MYO15A: variants seen among roughly 807,000 people sequenced by gnomAD.
MYO15A encodes myosin XVA, also known as unconventional myosin-XV.
Under a neutral mutation model 394.6 loss-of-function variants are expected in MYO15A, and 308 were observed. The ratio of observed to expected loss-of-function variants is 0.78; its 90% CI spans 0.71 to 0.86. The LOEUF (loss-of-function observed/expected upper bound fraction) is 0.86. MYO15A is among the 40% of genes least tolerant of loss of function. The probability of loss-of-function intolerance (pLI) is 0.00; values close to 1 mark genes in which losing one functional copy is unlikely to be tolerated. For missense variants in MYO15A, 4,606 were observed against 4,799.1 expected (o/e 0.96, Z 1.19); for synonymous variants, 1,957 against 2,003.8 (o/e 0.98, Z 0.62).
In MYO15A at chr17:18,139,620, C is replaced by T. The variant is rs201239911; in HGVS notation, c.5211+9C>T. On this transcript the variant is annotated intron_variant, in intron 19 of 65. Coordinates refer to ENST00000647165, the MANE Select transcript of MYO15A (RefSeq NM_016239.4). ...TACGGAGCCGGACACGGGTAAGCCTCGCCTCCCACCGCTCTGGCCCTGCCC... is the reference window on the plus strand; with the variant it reads ...TACGGAGCCGGACACGGGTAAGCCTTGCCTCCCACCGCTCTGGCCCTGCCC... The T allele has an allele frequency of 2.5e-6, 4 of 1,613,520 alleles. No individual in the cohort carries two copies. Among genetic ancestry groups the T allele is most frequent in the Admixed American group, 1.7e-5 (1 of 59,980 alleles).
rs115393178 is a variant in MYO15A, at chr17:18,163,759, G to A, written c.9708G>A (p.Val3236=). The part of the protein sequence containing the change: ...IKTCTVALDV[V]EEICAEMALT... Reference sequence around the variant, plus strand: ...ACCCCCAGGTGGCCCTGGACGTGGTGGAAGAGATATGTGCTGAGATGGCTC... The same window carrying A: ...ACCCCCAGGTGGCCCTGGACGTGGTAGAAGAGATATGTGCTGAGATGGCTC... Residue 3236 remains valine (V), a synonymous_variant, in exon 60 of 66, where the codon GTG becomes GTA. Coordinates refer to ENST00000647165, the MANE Select transcript of MYO15A (RefSeq NM_016239.4). 4,372 of 1,613,706 alleles carry A rather than the reference G, an allele frequency of 2.7e-3. 109 individuals carry two copies. In the African/African-American group the frequency reaches 0.051, roughly 19 times the overall value.
chr17:18,149,949 TCAA>T, intron 35 of MYO15A: 1 of 51,650 alleles, frequency 1.9e-5, no homozygotes, highest in Non-Finnish European at 3.5e-5. Context: ...AGACCCTGTC[TCAA>T]AAAAAAAAAA....
chr17:18,159,661 G>T lies in MYO15A; in HGVS notation c.9285G>T (p.Val3095=), dbSNP rs761945350. 2 of 1,614,142 alleles carry T rather than the reference G, an allele frequency of 1.2e-6. No homozygotes were observed. Among genetic ancestry groups the T allele is most frequent in the South Asian group, 2.2e-5 (2 of 91,080 alleles). The change falls in exon 55 of 66, where the codon GTG becomes GTT. Residue 3095 remains valine, a synonymous_variant. Coordinates refer to ENST00000647165, the MANE Select transcript of MYO15A (RefSeq NM_016239.4). The part of the protein sequence containing the change: ...APLKGQSDLD[V]LCNLLKLCGD... ...TGAAGGGCCAGAGTGACCTGGACGT[G>T]CTTTGTAACCTCCTGAAGGTCAGTC...
intron 15 of MYO15A, among the ~76,000 whole-genome samples, chr17:18,137,235 C>T (rs1231837827): frequency 1.3e-5 from 2 of 152,266 alleles, no homozygotes; most frequent in East Asian, 3.8e-4. Flanking sequence ...TGTTAATTCA[C>T]TTCATCCTTA....
chr17:18,155,524 C>A, intron 47 of MYO15A, 92 bp downstream of exon 47: 1 of 1,186,328 alleles, frequency 8.4e-7, no homozygotes, highest in South Asian at 1.2e-5. Context: ...TTACCAAGTA[C>A]CCATGATGCG....
intron 60 of MYO15A, chr17:18,164,323 TCTGCTGA>T (rs1193604574): frequency 4.5e-6 from 1 of 220,616 alleles, no homozygotes; most frequent in Non-Finnish European, 9.2e-6. Context: ...GCCCCTTCCA[TCTGCTGA>T]CTGCCCACTC....
intron 59 of MYO15A, among the ~76,000 whole-genome samples, 170 bp from the exon 60 acceptor site, chr17:18,163,572 C>T (rs1029135995): frequency 1.3e-5 from 2 of 152,240 alleles, no homozygotes; most frequent in Non-Finnish European, 2.9e-5. Flanking sequence ...AGACCACAAG[C>T]TGTGTTCTTT....
chr17:18,173,677 T>C, intron 64 of MYO15A, 104 bp from the exon 65 acceptor site: 2 of 1,501,068 alleles, frequency 1.3e-6, no homozygotes, highest in Non-Finnish European at 1.9e-6. Context: ...TGAACTGGAG[T>C]GAGTCTCCTG....
chr17:18,160,092 C>CG (rs2046754460), intron 56 of MYO15A, 75 bp downstream of exon 56: 1 of 1,379,342 alleles, frequency 7.2e-7, no homozygotes, highest in East Asian at 2.3e-5. Context: ...CAGCCTCCCA[C>CG]CTCCTCAGGC....
At chr17:18,149,668 C>T in intron 35 of MYO15A, 88 bp downstream of exon 35, 1 of 1,361,418 alleles carries the variant, frequency 7.3e-7, no homozygotes, top group Admixed American at 1.7e-5. Flanking sequence ...GACCTGAGAG[C>T]TTCTCACAGC....
rs749597824 is a variant in MYO15A at position 18,158,505 on chromosome 17, G to T, written c.8968-18G>T. Reference sequence around the variant, plus strand: ...GGTGTGGCCGGACTGGGCCTTCCTAGCTCCGCCTCTTCTGCAGGGTCCCCC... The same window carrying T: ...GGTGTGGCCGGACTGGGCCTTCCTATCTCCGCCTCTTCTGCAGGGTCCCCC... On this transcript the variant is annotated intron_variant, in intron 51 of 65. Coordinates refer to ENST00000647165, the MANE Select transcript of MYO15A (RefSeq NM_016239.4). The T allele has an allele frequency of 6.2e-7, 1 of 1,611,928 alleles. No individual in the cohort carries two copies.
Position 18,158,664 on chromosome 17 carries a change from C to T in MYO15A, c.9083+26C>T, listed in dbSNP as rs568733503. 5.0e-6 allele frequency: 8 copies of T among 1,607,404 alleles called. No individual in the cohort carries two copies. The African/African-American group carries it at 1.1e-4, about 21-fold the overall frequency. On this transcript the variant is annotated intron_variant, in intron 52 of 65. Coordinates refer to ENST00000647165, the MANE Select transcript of MYO15A (RefSeq NM_016239.4). ...GTGAGTGGCGGCCCCACCCCTCTTCCCACAGTGGGAGGGTGCTGGGCTTCT... is the reference window on the plus strand; with the variant it reads ...GTGAGTGGCGGCCCCACCCCTCTTCTCACAGTGGGAGGGTGCTGGGCTTCT...
chr17:18,177,949 C>T (rs1167528155), intron 65 of MYO15A: 1 of 152,494 alleles, frequency 6.6e-6, no homozygotes, highest in Non-Finnish European at 1.5e-5. Context: ...CCCTACCCTG[C>T]TCCAATTGGG....
Position 18,152,192 on chromosome 17 carries a change from G to A in MYO15A, c.7966+8G>A. The stretch of plus-strand genomic sequence containing the variant: ...CCATGGCACCCACTTCAGGTGAGAG[G>A]GCCAGGAGGGAGGGAGGGGAGGGTG... On this transcript the variant is annotated splice_region_variant and intron_variant, in intron 42 of 65. Transcript: ENST00000647165. 6.5e-7 allele frequency: 1 copy of A among 1,549,046 alleles called. No homozygotes were observed. The highest frequency in any genetic ancestry group is 8.7e-7 in the Non-Finnish European group (1 of 1,147,180).
intron 4 of MYO15A, 148 bp from the exon 5 acceptor site, chr17:18,126,199 G>A: frequency 1.4e-6 from 1 of 706,896 alleles, no homozygotes; most frequent in Non-Finnish European, 2.5e-6. Flanking sequence ...CCAGCTAGCT[G>A]GTAGAGGGCT....
rs1008435528 is a variant in MYO15A at position 18,132,309 on chromosome 17, C to T, written c.4207-144C>T. The T allele has an allele frequency of 5.9e-6, 4 of 678,838 alleles. No individual in the cohort carries two copies. The highest frequency in any genetic ancestry group is 1.1e-5 in the Non-Finnish European group (4 of 376,708). The allele number at this position is 678,838 out of a possible 1,614,324, so 42.1% of individuals were successfully genotyped here. ...CCCGCAGCTGGCACCAGGCTGGGAG[C>T]CTCACCCATCACAGAGGCGCGTGTT... On this transcript the variant is annotated intron_variant, in intron 10 of 65. Transcript: ENST00000647165. This position sits in a 1 kb window ranked among gnomAD's most constrained non-coding sequence, Gnocchi z 4.6.
chr17:18,173,618 G>A (rs963565329), intron 64 of MYO15A, 163 bp from the exon 65 acceptor site: 2 of 857,696 alleles, frequency 2.3e-6, no homozygotes, highest in East Asian at 5.2e-5. Flanking sequence ...GGTCCAGAGA[G>A]GTAAAGTGAT....
chr17:18,157,296 A>T (rs1178924707), intron 50 of MYO15A, 66 bp downstream of exon 50: 24 of 1,546,454 alleles, frequency 1.6e-5, no homozygotes, highest in Non-Finnish European at 2.1e-5. Flanking sequence ...CGTGGTGCAG[A>T]TGCACAGTGA....
chr17:18,154,792 CCAGT>C, intron 45 of MYO15A, 37 bp downstream of exon 45: 1 of 1,602,156 alleles, frequency 6.2e-7, no homozygotes, highest in Non-Finnish European at 8.5e-7. Flanking sequence ...GATGGGGCAA[CCAGT>C]CAGAGGCACA....
Sources: gnomAD v4.1 joint callset for allele counts (sites outside exome capture counted in the v4.1 genomes callset) on GRCh38, gnomAD v4.1.1 for gene constraint, Gnocchi (gnomAD v3.1) non-coding constraint, MANE v1.5 for transcripts, NCBI Gene and HGNC (gene_info 2026-07-23, HGNC 2026-07-21) for gene names.